MTCL1: variants seen among roughly 807,000 people sequenced by gnomAD.
MTCL1 encodes the protein microtubule cross-linking factor 1.
Under a neutral mutation model 141.4 loss-of-function variants are expected in MTCL1, and 79 were observed. The ratio of observed to expected loss-of-function variants is 0.56; its 90% CI spans 0.47 to 0.67. The LOEUF (loss-of-function observed/expected upper bound fraction) is 0.67, where lower values mean the gene tolerates loss of function less well. Among genes scored for constraint, MTCL1 ranks in the 30% least tolerant of loss-of-function variants. The probability of loss-of-function intolerance (pLI) is 0.00; values close to 1 mark genes in which losing one functional copy is unlikely to be tolerated. For missense variants in MTCL1, 2,177 were observed against 2,113.9 expected (o/e 1.03, Z -0.59); for synonymous variants, 914 against 875.8 (o/e 1.04, Z -0.77).
chr18:8,813,818 A>G (rs940831229), intron 12 of MTCL1, among the ~76,000 whole-genome samples: 1 of 152,164 alleles, frequency 6.6e-6, no homozygotes, highest in Non-Finnish European at 1.5e-5. Flanking sequence ...AGAAACTCAG[A>G]TGAATTTGGG....
Position 8,743,465 on chromosome 18 carries a change from G to A in MTCL1, c.357+22969G>A, listed in dbSNP as rs140846033. 1.9e-3 allele frequency among the ~76,000 whole-genome samples: 293 copies of A among 152,298 alleles called. 1 individual carries two copies. Among genetic ancestry groups the A allele is most frequent in the African/African-American group, 6.2e-3 (256 of 41,582 alleles). On this transcript the variant is annotated intron_variant, in intron 4 of 16. Transcript: ENST00000359865. ...GACCACAAATGTAGTGGCTTAAAAC[G>A]ACACAAATTTATTGTCTCATAGTAC...
intron 4 of MTCL1, among the ~76,000 whole-genome samples, chr18:8,723,445 G>T (rs1309362301): frequency 6.6e-6 from 1 of 152,174 alleles, no homozygotes; most frequent in East Asian, 1.9e-4. Context: ...CCTGAAAAAG[G>T]CAAGGACAGT....
chr18:8,714,234 G>A (rs1211477145), upstream of MTCL1, among the ~76,000 whole-genome samples: 3 of 152,208 alleles, frequency 2.0e-5, no homozygotes, highest in Admixed American at 6.5e-5. Context: ...TACTAGATGT[G>A]AAGCTTTGGA....
In MTCL1 at chr18:8,798,248, G is replaced by A. The variant is rs773462086; in HGVS notation, c.2393G>A (p.Ser798Asn). Residue 798 changes from serine (S) to asparagine (N), a missense_variant, in exon 10 of 17, where the codon AGC becomes AAC. Coordinates refer to ENST00000359865, the Ensembl canonical transcript of MTCL1. ...TCCCGGGTGCAGATTGGAGATCACA[G>A]CTTGCGGCTGCAGACCGCGGACAGG... is the stretch of plus-strand genomic sequence containing the variant. The A allele has an allele frequency of 5.7e-6, 9 of 1,578,470 alleles. No homozygotes were observed. In the South Asian group the frequency reaches 9.3e-5, roughly 16 times the overall value.
At chr18:8,827,800 G>C (rs2077073566) in intron 15 of MTCL1, among the ~76,000 whole-genome samples, 1 of 152,326 alleles carries the variant, frequency 6.6e-6, no homozygotes, top group Non-Finnish European at 1.5e-5. Flanking sequence ...ATTACGAATA[G>C]TGAATCCTGC....
At chr18:8,782,908 G>T (rs1382736254) in intron 5 of MTCL1, among the ~76,000 whole-genome samples, 4 of 152,190 alleles carry the variant, frequency 2.6e-5, no homozygotes, top group Admixed American at 2.0e-4. Flanking sequence ...GGGCTGGGGA[G>T]ACCGGGATGG....
At chr18:8,720,405 C>T in exon 4 of MTCL1, 1 of 1,614,004 alleles carries the variant, frequency 6.2e-7, no homozygotes, top group Non-Finnish European at 8.5e-7. Context: ...CGCGCTAAAG[C>T]TGAGGATGAA....
intron 7 of MTCL1, among the ~76,000 whole-genome samples, chr18:8,788,648 A>G (rs1044357295): frequency 3.9e-5 from 6 of 152,194 alleles, no homozygotes; most frequent in Non-Finnish European, 7.3e-5. Context: ...CACATGACAC[A>G]TGTTAGCAGA....
chr18:8,761,225 A>G (rs1018436021), intron 4 of MTCL1, among the ~76,000 whole-genome samples: 1 of 152,246 alleles, frequency 6.6e-6, no homozygotes, highest in African/African-American at 2.4e-5. Flanking sequence ...AATAAATCAT[A>G]GATTGCACAG....
chr18:8,795,110 A>C (rs2075870356), intron 8 of MTCL1, among the ~76,000 whole-genome samples: 1 of 152,244 alleles, frequency 6.6e-6, no homozygotes, highest in Non-Finnish European at 1.5e-5. Flanking sequence ...CCAAAACTAC[A>C]GTAAAGGTCA....
At chr18:8,718,318 G>A (rs571246268) in intron 2 of MTCL1, 106 bp from the exon 2 acceptor site, 80 of 1,119,170 alleles carry the variant, frequency 7.1e-5, no homozygotes, top group South Asian at 5.7e-4. Flanking sequence ...ATGGGTAAGC[G>A]TGTAGGTATT....
intron 4 of MTCL1, among the ~76,000 whole-genome samples, chr18:8,766,433 G>T (rs1250711748): frequency 6.6e-6 from 1 of 152,230 alleles, no homozygotes; most frequent in Admixed American, 6.5e-5. Context: ...AGAGGCTGGG[G>T]CCTGGGGCGC....
chr18:8,774,644 C>A (rs948521300), intron 4 of MTCL1, among the ~76,000 whole-genome samples: 1 of 152,134 alleles, frequency 6.6e-6, no homozygotes, highest in Non-Finnish European at 1.5e-5. Flanking sequence ...TAAGCCACGA[C>A]GCCCAGCTAA....
At chr18:8,791,684 A>G (rs1015809655) in intron 7 of MTCL1, among the ~76,000 whole-genome samples, 1 of 152,178 alleles carries the variant, frequency 6.6e-6, no homozygotes, top group Non-Finnish European at 1.5e-5. Context: ...TGGAAATGCA[A>G]AATTAGTCAT....
upstream of MTCL1, among the ~76,000 whole-genome samples, chr18:8,715,748 A>C (rs1003076353): frequency 3.3e-5 from 5 of 152,238 alleles, no homozygotes; most frequent in Admixed American, 3.3e-4. Context: ...CACAAGGCTC[A>C]TTTTAAAGCT....
Position 8,766,308 on chromosome 18 carries a change from C to T in MTCL1, c.358-11525C>T, listed in dbSNP as rs1567997380. 2.0e-5 allele frequency among the ~76,000 whole-genome samples: 3 copies of T among 151,598 alleles called. No homozygotes were observed. In the South Asian group the frequency reaches 6.2e-4, roughly 31 times the overall value. ...AGCGCCTGTTGTGTGAGCTGATCCACCGAGCTCCCCACTAGGTGAAGCATG... is the reference window on the plus strand; with the variant it reads ...AGCGCCTGTTGTGTGAGCTGATCCATCGAGCTCCCCACTAGGTGAAGCATG... On this transcript the variant is annotated intron_variant, in intron 4 of 16. Coordinates refer to ENST00000359865, the Ensembl canonical transcript of MTCL1.
At chr18:8,721,427 C>G (rs2096171464) in intron 4 of MTCL1, among the ~76,000 whole-genome samples, 1 of 147,614 alleles carries the variant, frequency 6.8e-6, no homozygotes, top group African/African-American at 2.4e-5. Context: ...GCCTCCAGTT[C>G]AGTCAGGCCC....
At chr18:8,725,866 T>G (rs1472089564) in intron 4 of MTCL1, among the ~76,000 whole-genome samples, 3 of 141,422 alleles carry the variant, frequency 2.1e-5, no homozygotes, top group Non-Finnish European at 4.5e-5. Flanking sequence ...CTCGGCTCAC[T>G]GCAAGCTCTG....
At chr18:8,713,075 T>G (rs1172249754), upstream of MTCL1, among the ~76,000 whole-genome samples, 5 of 152,212 alleles carry the variant, frequency 3.3e-5, no homozygotes, top group Non-Finnish European at 4.4e-5. Context: ...CATTAAAACA[T>G]ATAATTTTAA....
Sources: allele counts gnomAD v4.1 joint callset (sites outside exome capture counted in the v4.1 genomes callset), GRCh38; gene constraint gnomAD v4.1.1; transcripts MANE v1.5; gene names NCBI Gene and HGNC (gene_info 2026-07-23, HGNC 2026-07-21).